HSPA14: variants seen among roughly 807,000 people sequenced by gnomAD.
HSPA14 encodes the protein heat shock 70 kDa protein 14.
HSPA14 carries 37 observed loss-of-function variants against 65.5 expected under a neutral mutation model. The observed-to-expected ratio is 0.56, with a 90% CI of 0.43 to 0.74. HSPA14 has a LOEUF of 0.74. HSPA14 is among the 30% of genes least tolerant of loss of function. The pLI is 0.00. For missense variants in HSPA14, 564 were observed against 607.6 expected (o/e 0.93, Z 0.75); for synonymous variants, 203 against 214.2 (o/e 0.95, Z 0.46).
rs555990458 is a variant in HSPA14 at position 14,842,793 on chromosome 10, G to A, written c.221+2636G>A. On this transcript the variant is annotated intron_variant, in intron 3 of 13. Coordinates refer to ENST00000378372, the MANE Select transcript of HSPA14 (RefSeq NM_016299.4). The surrounding 1 kb of genome is among the most constrained non-coding windows in gnomAD (Gnocchi z 5.2). ...GATTGTCAGCTAAGAATCAGTGACCGGATACGAGAAACCAGTGACCTTGAG... is the reference window on the plus strand; with the variant it reads ...GATTGTCAGCTAAGAATCAGTGACCAGATACGAGAAACCAGTGACCTTGAG... 18 of 1,536,298 alleles carry A rather than the reference G, an allele frequency of 1.2e-5. No homozygotes were observed. Among genetic ancestry groups the A allele is most frequent in the Admixed American group, 7.8e-5 (4 of 51,014 alleles).
intron 10 of HSPA14, 131 bp from the exon 11 acceptor site, chr10:14,866,952 A>T: frequency 1.7e-6 from 1 of 597,740 alleles, no homozygotes; most frequent in East Asian, 2.7e-5. Flanking sequence ...ATAACATAAC[A>T]TGTTAATATA....
chr10:14,846,372 G>A (rs1021519094), intron 3 of HSPA14: 10 of 985,206 alleles, frequency 1.0e-5, no homozygotes, highest in African/African-American at 7.0e-5. Flanking sequence ...GAAGAGCATT[G>A]GAATTAATAT....
rs370615312 is a variant in HSPA14, at chr10:14,838,307, T to C, written c.-96T>C. The stretch of plus-strand genomic sequence containing the variant: ...CGGACGCAGGGGGCTGGCGGGAACG[T>C]GAAGCTCCGCGGTGCCTGATGGGGC... On this transcript the variant is annotated 5_prime_UTR_variant, in exon 1 of 14. Coordinates refer to ENST00000378372, the MANE Select transcript of HSPA14 (RefSeq NM_016299.4). The C allele has an allele frequency of 3.2e-5, 41 of 1,289,214 alleles. No individual in the cohort carries two copies. The highest frequency in any genetic ancestry group is 2.8e-4 in the African/African-American group (19 of 68,548). The allele number at this position is 1,289,214 out of a possible 1,614,324, so 79.9% of individuals were successfully genotyped here. A position where few individuals can be genotyped will look rare whatever the true frequency, so the allele number is the denominator to read the frequency against.
intron 10 of HSPA14, among the ~76,000 whole-genome samples, chr10:14,865,440 G>C (rs1287365215): frequency 3.9e-5 from 6 of 152,004 alleles, no homozygotes; most frequent in Admixed American, 1.3e-4. Context: ...TTCTTCTAGG[G>C]TTTTTATGGT....
At chr10:14,857,479 A>G (rs1290835312) in intron 10 of HSPA14, among the ~76,000 whole-genome samples, 1 of 152,234 alleles carries the variant, frequency 6.6e-6, no homozygotes, top group Non-Finnish European at 1.5e-5. Flanking sequence ...TTGAAAAAAG[A>G]TCTTTTCACT....
chr10:14,855,198 A>G (rs911040653), intron 9 of HSPA14, among the ~76,000 whole-genome samples: 6 of 152,216 alleles, frequency 3.9e-5, no homozygotes, highest in Admixed American at 2.0e-4. Flanking sequence ...CCATAAAAGT[A>G]TGCTTTAATA....
At position 14,842,040 on chromosome 10, in the gene HSPA14, G is replaced by A; in HGVS notation, c.221+1883G>A. On this transcript the variant is annotated intron_variant, in intron 3 of 13. Coordinates refer to ENST00000378372, the MANE Select transcript of HSPA14 (RefSeq NM_016299.4). This position sits in a 1 kb window ranked among gnomAD's most constrained non-coding sequence, Gnocchi z 5.2. ...CTATCTCAGTCTTGGCCTCATGCCTGTTTATGACCTACTCACAGGTAGCAC... is the reference window on the plus strand; with the variant it reads ...CTATCTCAGTCTTGGCCTCATGCCTATTTATGACCTACTCACAGGTAGCAC... 1 of 904,628 alleles carries A rather than the reference G, an allele frequency of 1.1e-6. No individual in the cohort carries two copies. The highest frequency in any genetic ancestry group is 2.2e-4 in the Middle Eastern group (1 of 4,514). The allele number at this position is 904,628 out of a possible 1,614,324, so 56.0% of individuals were successfully genotyped here. A position where few individuals can be genotyped will look rare whatever the true frequency, so the allele number is the denominator to read the frequency against.
chr10:14,855,388 A>G (rs1004089931), intron 9 of HSPA14, among the ~76,000 whole-genome samples: 6 of 152,216 alleles, frequency 3.9e-5, no homozygotes, highest in Non-Finnish European at 5.9e-5. Context: ...ACTTATGTCC[A>G]ACATGGTCTC....
intron 12 of HSPA14, among the ~76,000 whole-genome samples, chr10:14,868,835 T>C (rs562125308): frequency 3.3e-5 from 5 of 152,264 alleles, no homozygotes; most frequent in Admixed American, 3.3e-4. Flanking sequence ...CAAAAAATAA[T>C]GTACTGTTTT....
chr10:14,846,724 T>C (rs1834059690), intron 3 of HSPA14: 9 of 984,020 alleles, frequency 9.1e-6, no homozygotes, highest in African/African-American at 1.7e-5. Context: ...TTCAGACATG[T>C]AAGGCACTGT....
At chr10:14,851,668 T>C (rs1346152468) in intron 7 of HSPA14, among the ~76,000 whole-genome samples, 1 of 152,248 alleles carries the variant, frequency 6.6e-6, no homozygotes, top group Non-Finnish European at 1.5e-5. Flanking sequence ...TAATAGGTAC[T>C]GTTATATACA....
chr10:14,840,211 T>G, intron 3 of HSPA14, 54 bp downstream of exon 3: 1 of 908,858 alleles, frequency 1.1e-6, no homozygotes, highest in Non-Finnish European at 1.6e-6. Context: ...GTTCATAAAT[T>G]CTAAGCATAA....
chr10:14,864,729 A>G (rs7920376), intron 10 of HSPA14, among the ~76,000 whole-genome samples: 66,753 of 152,052 alleles, frequency 0.44, 17,796 homozygotes, highest in African/African-American at 0.75. Context: ...TATCCTTATC[A>G]GACATTTGGG....
At chr10:14,862,859 T>C (rs371613440) in intron 10 of HSPA14, among the ~76,000 whole-genome samples, 20 of 152,064 alleles carry the variant, frequency 1.3e-4, no homozygotes, top group African/African-American at 4.6e-4. Context: ...AATTTTTGTA[T>C]TTTTTGTGAA....
chr10:14,838,851 C>T (rs1202733492), intron 1 of HSPA14, among the ~76,000 whole-genome samples: 1 of 152,082 alleles, frequency 6.6e-6, no homozygotes, highest in Non-Finnish European at 1.5e-5. Flanking sequence ...GTCACGGGGA[C>T]GTCCTGGCCT....
intron 12 of HSPA14, 52 bp from the exon 13 acceptor site, chr10:14,870,540 ATCAGT>A: frequency 6.5e-7 from 1 of 1,533,954 alleles, no homozygotes; most frequent in Non-Finnish European, 8.8e-7. Flanking sequence ...TAATTGATAC[ATCAGT>A]TCATTTATGT....
chr10:14,854,225 A>G lies in HSPA14; in HGVS notation c.835A>G (p.Asn279Asp), dbSNP rs1246273120. 1.2e-6 allele frequency: 2 copies of G among 1,613,648 alleles called. No individual in the cohort carries two copies. Among genetic ancestry groups the G allele is most frequent in the Non-Finnish European group, 1.7e-6 (2 of 1,179,880 alleles). Residue 279 changes from asparagine to aspartate, a missense_variant, in exon 9 of 14, where the codon AAC becomes GAC. Asn to Asp is a conservative substitution (Grantham distance 23, BLOSUM62 1). Transcript: ENST00000378372. ...TTCTTTGTCAACCTTGGGAAGTGCC[A>G]ACTGTTTTCTTGACTCATTATATGA... Reference protein sequence around the residue: ...KHSLSTLGSANCFLDSLYEGQ... With the variant: ...KHSLSTLGSADCFLDSLYEGQ...
At position 14,849,795 on chromosome 10, in the gene HSPA14, CA is replaced by C; in HGVS notation, c.458del (p.Asn153MetfsTer17). On this transcript the variant is annotated frameshift_variant, in exon 6 of 14. Coordinates refer to ENST00000378372, the MANE Select transcript of HSPA14 (RefSeq NM_016299.4). LOFTEE classifies it high-confidence loss of function. Reference protein sequence around the residue: ...ITVPFDFGEKQKNALGEAARA... With the variant: ...ITVPFDFGEKXKNALGEAARA... Reference sequence around the variant, plus strand: ...TGTCCCGTTTGATTTTGGAGAAAAGCAAAAAAATGCTCTTGGGTAAGTATAT... The same window carrying C: ...TGTCCCGTTTGATTTTGGAGAAAAGCAAAAAATGCTCTTGGGTAAGTATAT... 6.2e-7 allele frequency: 1 copy of C among 1,607,384 alleles called. No individual in the cohort carries two copies. The highest frequency in any genetic ancestry group is 8.5e-7 in the Non-Finnish European group (1 of 1,175,884).
intron 9 of HSPA14, among the ~76,000 whole-genome samples, chr10:14,854,960 C>T (rs902500416): frequency 6.6e-6 from 1 of 152,198 alleles, no homozygotes; most frequent in Non-Finnish European, 1.5e-5. Context: ...TGCTCCAGAT[C>T]TTTGAAGAAA....
Sources: gnomAD v4.1 joint callset for allele counts (sites outside exome capture counted in the v4.1 genomes callset) on GRCh38, gnomAD v4.1.1 for gene constraint, Gnocchi (gnomAD v3.1) non-coding constraint, MANE v1.5 for transcripts, NCBI Gene and HGNC (gene_info 2026-07-23, HGNC 2026-07-21) for gene names.